The following PRR7 variants were observed in gnomAD, a reference collection of about 807,000 sequenced individuals.
PRR7 encodes proline-rich protein 7.
Under a neutral mutation model 18.5 loss-of-function variants are expected in PRR7, and 8 were observed. The observed-to-expected ratio is 0.43, with a 90% CI of 0.25 to 0.78. The LOEUF (loss-of-function observed/expected upper bound fraction) is 0.78. PRR7 is among the 30% of genes least tolerant of loss of function. The pLI is 0.22. For missense variants in PRR7, 396 were observed against 403.1 expected, an observed-to-expected ratio of 0.98 and a Z score of 0.15; for synonymous variants, 221 against 187.7, an observed-to-expected ratio of 1.18 and a Z score of -1.45.
In PRR7 at chr5:177,455,320, G is replaced by A. The variant is rs1317033104; in HGVS notation, c.253G>A (p.Glu85Lys). The A allele has an allele frequency of 6.7e-7, 1 of 1,487,332 alleles. No homozygotes were observed. The highest frequency in any genetic ancestry group is 8.9e-7 in the Non-Finnish European group (1 of 1,128,006). The allele number at this position is 1,487,332 out of a possible 1,614,324, so 92.1% of individuals were successfully genotyped here. A position where few individuals can be genotyped will look rare whatever the true frequency, so the allele number is the denominator to read the frequency against. ...GCCACCACCACACCGTAGCCGCCTG[G>A]AGGCGCCGGCTCACGCGCACTCGCA... Reference protein sequence around the residue: ...PQPPPHRSRLEAPAHAHSHPH... With the variant: ...PQPPPHRSRLKAPAHAHSHPH... The change falls in exon 3 of 4, where the codon GAG becomes AAG. Residue 85 changes from glutamate to lysine, a missense_variant. Physicochemically the swap from Glu to Lys is moderately conservative, Grantham distance 56. Coordinates refer to ENST00000323249, the MANE Select transcript of PRR7 (RefSeq NM_030567.5). The surrounding 1 kb of genome is among the most constrained non-coding windows in gnomAD (Gnocchi z 6.9).
intron 1 of PRR7, among the ~76,000 whole-genome samples, chr5:177,453,261 G>C (rs909960046): frequency 6.6e-6 from 1 of 152,196 alleles, no homozygotes; most frequent in Non-Finnish European, 1.5e-5. Context: ...CTGGCAGACC[G>C]GGGGACCTCT....
chr5:177,455,903 C>A lies in PRR7; in HGVS notation c.607C>A (p.Pro203Thr). The part of the protein sequence containing the change: ...KQEQPPPSYK[P>T]LFLDRGYTSA... ...GGAGCAGCCGCCTCCCAGCTACAAGCCGCTCTTCCTGGACCGGGGCTACAC... is the reference window on the plus strand; with the variant it reads ...GGAGCAGCCGCCTCCCAGCTACAAGACGCTCTTCCTGGACCGGGGCTACAC... Residue 203 changes from proline (P) to threonine (T), a missense_variant, in exon 4 of 4, where the codon CCG becomes ACG. Pro to Thr is a conservative substitution (Grantham distance 38, BLOSUM62 -1). This residue lies in a region of PRR7 where 383 missense variants were observed against 372.6 expected (regional missense o/e 1.03). Coordinates refer to ENST00000323249, the MANE Select transcript of PRR7 (RefSeq NM_030567.5). The surrounding 1 kb of genome is among the most constrained non-coding windows in gnomAD (Gnocchi z 6.9). The A allele has an allele frequency of 6.2e-7, 1 of 1,609,934 alleles. No homozygotes were observed. The highest frequency in any genetic ancestry group is 8.5e-7 in the Non-Finnish European group (1 of 1,179,436).
rs1756085467 is a variant in PRR7, at chr5:177,449,530, C to T, written c.-325+2570C>T. The stretch of plus-strand genomic sequence containing the variant: ...CAGGCTGCCCCCCACAGGGTGTCAC[C>T]ATCACGCCCGTGGGGCCGCCTCCCC... On this transcript the variant is annotated intron_variant, in intron 1 of 3. Coordinates refer to ENST00000323249, the MANE Select transcript of PRR7 (RefSeq NM_030567.5). The surrounding 1 kb of genome is among the most constrained non-coding windows in gnomAD (Gnocchi z 4.2). Among the ~76,000 whole-genome samples the T allele has an allele frequency of 6.6e-6, 1 of 152,218 alleles. No individual in the cohort carries two copies. Among genetic ancestry groups the T allele is most frequent in the Non-Finnish European group, 1.5e-5 (1 of 68,026 alleles).
At chr5:177,451,824 G>C (rs1027300004) in intron 1 of PRR7, among the ~76,000 whole-genome samples, 1 of 151,456 alleles carries the variant, frequency 6.6e-6, no homozygotes, top group African/African-American at 2.4e-5. Context: ...CGAAGAGTGA[G>C]TGTGGAGCCC....
Position 177,455,115 on chromosome 5 carries a change from C to T in PRR7, c.48C>T (p.Gly16=). The T allele has an allele frequency of 6.6e-7, 1 of 1,521,904 alleles. No homozygotes were observed. The allele number at this position is 1,521,904 out of a possible 1,614,324, so 94.3% of individuals were successfully genotyped here. A position where few individuals can be genotyped will look rare whatever the true frequency, so the allele number is the denominator to read the frequency against. The part of the protein sequence containing the change: ...GTYTFLTCFA[G]FWLIWGLIVL... ...ACACGTTCCTCACGTGCTTCGCCGG[C>T]TTCTGGCTCATCTGGGGTCTCATCG... is the stretch of plus-strand genomic sequence containing the variant. Residue 16 remains glycine, a synonymous_variant, in exon 3 of 4, where the codon GGC becomes GGT. Coordinates refer to ENST00000323249, the MANE Select transcript of PRR7 (RefSeq NM_030567.5). This position sits in a 1 kb window ranked among gnomAD's most constrained non-coding sequence, Gnocchi z 6.9.
chr5:177,455,502 C>G lies in PRR7; in HGVS notation c.427+8C>G. 1 of 1,475,674 alleles carries G rather than the reference C, an allele frequency of 6.8e-7. No individual in the cohort carries two copies. Among genetic ancestry groups the G allele is most frequent in the Non-Finnish European group, 8.9e-7 (1 of 1,125,126 alleles). The allele number at this position is 1,475,674 out of a possible 1,614,324, so 91.4% of individuals were successfully genotyped here. ...GGAGCTACCCGCGCCAAGGTGAGTA[C>G]CGACCTCCGCCAGGGGGCGATCCGG... On this transcript the variant is annotated splice_region_variant and intron_variant, in intron 3 of 3. Coordinates refer to ENST00000323249, the MANE Select transcript of PRR7 (RefSeq NM_030567.5). This position sits in a 1 kb window ranked among gnomAD's most constrained non-coding sequence, Gnocchi z 6.9.
Position 177,456,216 on chromosome 5 carries a change from G to A in PRR7, c.*95G>A, listed in dbSNP as rs1756444226. ...CCTGGACTGCGGGGAGGGGCGGGGG[G>A]AGGGAGGGATTTCTTATCCCGTTTG... On this transcript the variant is annotated 3_prime_UTR_variant, in exon 4 of 4. Transcript: ENST00000323249. 4.8e-6 allele frequency: 2 copies of A among 416,962 alleles called. No individual in the cohort carries two copies. The highest frequency in any genetic ancestry group is 8.6e-6 in the Non-Finnish European group (2 of 231,430). The allele number at this position is 416,962 out of a possible 1,614,324, so 25.8% of individuals were successfully genotyped here.
rs752610362 is a variant in PRR7, at chr5:177,456,033, C to T, written c.737C>T (p.Ser246Leu). ...GRRVFPSWTDSELSSREPLEH... is the reference protein window; with the variant it reads ...GRRVFPSWTDLELSSREPLEH... ...CGGGTCTTCCCCAGCTGGACCGACTCAGAGCTCAGCAGCCGCGAGCCCCTG... is the reference window on the plus strand; with the variant it reads ...CGGGTCTTCCCCAGCTGGACCGACTTAGAGCTCAGCAGCCGCGAGCCCCTG... The change falls in exon 4 of 4, where the codon TCA becomes TTA. Residue 246 changes from serine (S) to leucine (L), a missense_variant. By Grantham distance (145) the Ser-to-Leu change is moderately radical. Transcript: ENST00000323249. 3.8e-6 allele frequency: 6 copies of T among 1,576,210 alleles called. No homozygotes were observed. Among genetic ancestry groups the T allele is most frequent in the Non-Finnish European group, 5.1e-6 (6 of 1,167,184 alleles).
intron 1 of PRR7, among the ~76,000 whole-genome samples, chr5:177,451,307 CA>C (rs1011738365): frequency 8.5e-5 from 13 of 152,332 alleles, no homozygotes; most frequent in African/African-American, 3.1e-4. Flanking sequence ...TGCCAACTAA[CA>C]AGAATGCCAG....
Position 177,456,108 on chromosome 5 carries a change from C to T in PRR7, c.812C>T (p.Thr271Ile), listed in dbSNP as rs1311000232. The T allele has an allele frequency of 1.3e-6, 2 of 1,520,592 alleles. No homozygotes were observed. The highest frequency in any genetic ancestry group is 1.7e-6 in the Non-Finnish European group (2 of 1,143,564). The allele number at this position is 1,520,592 out of a possible 1,614,324, so 94.2% of individuals were successfully genotyped here. Residue 271 changes from threonine to isoleucine, a missense_variant, in exon 4 of 4, where the codon ACT becomes ATT. Transcript: ENST00000323249. ...GTCTCCATCCCCTTGTTCGGGAGGA[C>T]TACAGCCGTATAGAGGGGCGCCCGG... ...LPVSIPLFGR[T>I]TAV
chr5:177,447,871 G>C (rs151115977), intron 1 of PRR7, among the ~76,000 whole-genome samples: 12 of 152,332 alleles, frequency 7.9e-5, no homozygotes, highest in African/African-American at 2.2e-4. Flanking sequence ...GATCACAAGT[G>C]CCCCTTTCTT....
At position 177,455,671 on chromosome 5, in the gene PRR7, G is replaced by C. The variant is rs1272311010; in HGVS notation, c.428-53G>C. The C allele has an allele frequency of 6.8e-7, 1 of 1,479,006 alleles. No homozygotes were observed. The highest frequency in any genetic ancestry group is 1.4e-5 in the African/African-American group (1 of 69,702). The allele number at this position is 1,479,006 out of a possible 1,614,324, so 91.6% of individuals were successfully genotyped here. A position where few individuals can be genotyped will look rare whatever the true frequency, so the allele number is the denominator to read the frequency against. On this transcript the variant is annotated intron_variant, in intron 3 of 3. Coordinates refer to ENST00000323249, the MANE Select transcript of PRR7 (RefSeq NM_030567.5). This position sits in a 1 kb window ranked among gnomAD's most constrained non-coding sequence, Gnocchi z 6.9. ...GGCGGCCCCTGGCCGGGGCCTCTGC[G>C]AGAGGCTGGGAACCGGCGGCCTCAC... is the stretch of plus-strand genomic sequence containing the variant.
chr5:177,446,720 C>T (rs1755899465), upstream of PRR7: 2 of 151,884 alleles, frequency 1.3e-5, no homozygotes, highest in Admixed American at 6.6e-5. This position sits in a 1 kb window ranked among gnomAD's most constrained non-coding sequence, Gnocchi z 5.3. Flanking sequence ...CGGCGTGTGG[C>T]TGGGGGTGCG....
Position 177,455,780 on chromosome 5 carries a change from C to T in PRR7, c.484C>T (p.Pro162Ser), listed in dbSNP as rs1756402382. The T allele has an allele frequency of 6.2e-7, 1 of 1,609,520 alleles. No homozygotes were observed. Among genetic ancestry groups the T allele is most frequent in the Non-Finnish European group, 8.5e-7 (1 of 1,178,508 alleles). The change falls in exon 4 of 4, where the codon CCG becomes TCG. Residue 162 changes from proline (P) to serine (S), a missense_variant. Physicochemically the swap from Pro to Ser is moderately conservative, Grantham distance 74 (BLOSUM62 -1). Around this residue, in one of 2 missense-constraint regions of PRR7, gnomAD observed 383 missense variants for 372.6 expected, o/e 1.03. Transcript: ENST00000323249. This position sits in a 1 kb window ranked among gnomAD's most constrained non-coding sequence, Gnocchi z 6.9. Reference protein sequence around the residue: ...CYEEAVLMAEPPPPYSEVLTD... With the variant: ...CYEEAVLMAESPPPYSEVLTD... Reference sequence around the variant, plus strand: ...CGAAGAGGCGGTGCTGATGGCAGAGCCGCCGCCGCCCTATAGCGAGGTGCT... The same window carrying T: ...CGAAGAGGCGGTGCTGATGGCAGAGTCGCCGCCGCCCTATAGCGAGGTGCT...
intron 1 of PRR7, among the ~76,000 whole-genome samples, chr5:177,451,816 A>G (rs71601365): frequency 0.079 from 6,457 of 82,212 alleles, 1 homozygote; most frequent in Middle Eastern, 0.21. Flanking sequence ...GCCTGCTTCG[A>G]AGAGTGAGTG....
At chr5:177,452,712 A>G (rs1756219083) in intron 1 of PRR7, among the ~76,000 whole-genome samples, 1 of 152,200 alleles carries the variant, frequency 6.6e-6, no homozygotes, top group South Asian at 2.1e-4. Flanking sequence ...TATAAAATGC[A>G]GCTATGACGG....
chr5:177,450,199 C>T lies in PRR7; in HGVS notation c.-325+3239C>T, dbSNP rs922678705. On this transcript the variant is annotated intron_variant, in intron 1 of 3. Transcript: ENST00000323249. The surrounding 1 kb of genome is among the most constrained non-coding windows in gnomAD (Gnocchi z 6.6). ...GGACAGGCTGTCAGTCTGTCCTGCC[C>T]CCCAGCCCTCACCCCCTGCTCTGAG... Among the ~76,000 whole-genome samples, 1 of 152,064 alleles carries T rather than the reference C, an allele frequency of 6.6e-6. No homozygotes were observed. Among genetic ancestry groups the T allele is most frequent in the Admixed American group, 6.5e-5 (1 of 15,268 alleles).
In PRR7 at chr5:177,449,993, G is replaced by A. The variant is rs1364362325; in HGVS notation, c.-325+3033G>A. Reference sequence around the variant, plus strand: ...AGTGGCTCCCTGAAATGCCCTTGCTGCCGGGACCGAGGACTTTGTCATCAC... The same window carrying A: ...AGTGGCTCCCTGAAATGCCCTTGCTACCGGGACCGAGGACTTTGTCATCAC... On this transcript the variant is annotated intron_variant, in intron 1 of 3. Transcript: ENST00000323249. The surrounding 1 kb of genome is among the most constrained non-coding windows in gnomAD (Gnocchi z 4.2). Among the ~76,000 whole-genome samples the A allele has an allele frequency of 6.6e-6, 1 of 152,170 alleles. No homozygotes were observed. The highest frequency in any genetic ancestry group is 2.4e-5 in the African/African-American group (1 of 41,424).
intron 1 of PRR7, among the ~76,000 whole-genome samples, chr5:177,453,201 C>T (rs1371146354): frequency 6.6e-6 from 1 of 152,196 alleles, no homozygotes; most frequent in Non-Finnish European, 1.5e-5. Context: ...AGCTAAACCC[C>T]ATCACCTCCA....
Sources: gnomAD v4.1 joint callset for allele counts (sites outside exome capture counted in the v4.1 genomes callset) on GRCh38, gnomAD v4.1.1 for gene constraint, gnomAD v4.1.1 regional missense constraint, Gnocchi (gnomAD v3.1) non-coding constraint, MANE v1.5 for transcripts, NCBI Gene and HGNC (gene_info 2026-07-23, HGNC 2026-07-21) for gene names.